The following CACNA1I variants were observed in gnomAD, a reference collection of about 807,000 sequenced individuals.
CACNA1I encodes the protein calcium voltage-gated channel subunit alpha1 I.
In CACNA1I, 74 loss-of-function variants were observed where a neutral mutation model predicts 201.6. The ratio of observed to expected loss-of-function variants is 0.37; its 90% CI spans 0.30 to 0.45. The LOEUF (loss-of-function observed/expected upper bound fraction) is 0.45. CACNA1I is among the 20% of genes least tolerant of loss of function. The probability of loss-of-function intolerance (pLI) is 1.00; values close to 1 mark genes in which losing one functional copy is unlikely to be tolerated. For synonymous variants in CACNA1I, 1,431 were observed against 1,345.2 expected (o/e 1.06, Z -1.40); for missense variants, 2,346 against 3,138.1 (o/e 0.75, Z 6.03).
intron 25 of CACNA1I, 53 bp downstream of exon 25, chr22:39,670,283 C>T: frequency 6.4e-7 from 1 of 1,560,582 alleles, no homozygotes; most frequent in Non-Finnish European, 8.7e-7. Context: ...GCCCTTCTGC[C>T]TGGGCCTGAC....
chr22:39,687,063 G>A lies in CACNA1I; in HGVS notation c.*658G>A, dbSNP rs1935908830. 1 of 152,180 alleles carries A rather than the reference G, an allele frequency of 6.6e-6. No individual in the cohort carries two copies. The highest frequency in any genetic ancestry group is 1.5e-5 in the Non-Finnish European group (1 of 68,042). The allele number at this position is 152,180 out of a possible 1,614,324, so 9.4% of individuals were successfully genotyped here. On this transcript the variant is annotated 3_prime_UTR_variant, in exon 37 of 37. Coordinates refer to ENST00000402142, the MANE Select transcript of CACNA1I (RefSeq NM_021096.4). ...TGTGAAGTCTTTCGTAGACACCCCA[G>A]AGCACACACATCCCCTTAGTCCACC...
At chr22:39,672,837 A>G (rs1310260180) in intron 27 of CACNA1I, 112 bp from the exon 28 acceptor site, 2 of 1,203,736 alleles carry the variant, frequency 1.7e-6, no homozygotes, top group Admixed American at 2.7e-5. Flanking sequence ...ACACAGCCTA[A>G]TGGGCCACAA....
Position 39,665,821 on chromosome 22 carries a change from G to A in CACNA1I, c.3979-60G>A. On this transcript the variant is annotated intron_variant, in intron 22 of 36. Coordinates refer to ENST00000402142, the MANE Select transcript of CACNA1I (RefSeq NM_021096.4). The surrounding 1 kb of genome is among the most constrained non-coding windows in gnomAD (Gnocchi z 5.5). ...CTGAGTAAACGCGATCGAGAGGCGA[G>A]TTCCTCTCTGACTTGCAACCCTCAC... 2.5e-6 allele frequency: 4 copies of A among 1,607,438 alleles called. No homozygotes were observed. Among genetic ancestry groups the A allele is most frequent in the Non-Finnish European group, 3.4e-6 (4 of 1,174,766 alleles).
At chr22:39,682,156 C>A (rs1413723093) in intron 34 of CACNA1I, among the ~76,000 whole-genome samples, 1 of 152,134 alleles carries the variant, frequency 6.6e-6, no homozygotes, top group East Asian at 1.9e-4. Flanking sequence ...ACAGGCTCAG[C>A]AAAGGGAAGG....
At chr22:39,661,899 G>A in intron 16 of CACNA1I, 66 bp from the exon 17 acceptor site, 1 of 1,116,636 alleles carries the variant, frequency 9.0e-7, no homozygotes, top group Non-Finnish European at 1.2e-6. Context: ...GGCTGCCTTT[G>A]GGCACCTGGT....
chr22:39,589,639 C>T (rs913769545), intron 1 of CACNA1I, among the ~76,000 whole-genome samples: 3 of 152,208 alleles, frequency 2.0e-5, no homozygotes, highest in Admixed American at 1.3e-4. Flanking sequence ...GCCACGTATA[C>T]AGCAGGTGGT....
rs552472527 is a variant in CACNA1I, at chr22:39,648,828, C to T, written c.1568-673C>T. Among the ~76,000 whole-genome samples, 2 of 152,110 alleles carry T rather than the reference C, an allele frequency of 1.3e-5. No homozygotes were observed. The highest frequency in any genetic ancestry group is 2.9e-5 in the Non-Finnish European group (2 of 68,018). ...ATCACAGAACTCAGTCCAGGGCCAGCCCAGGCGTCTCCTGTGATTCCGGGG... is the reference window on the plus strand; with the variant it reads ...ATCACAGAACTCAGTCCAGGGCCAGTCCAGGCGTCTCCTGTGATTCCGGGG... On this transcript the variant is annotated intron_variant, in intron 9 of 36. Coordinates refer to ENST00000402142, the MANE Select transcript of CACNA1I (RefSeq NM_021096.4). The surrounding 1 kb of genome is among the most constrained non-coding windows in gnomAD (Gnocchi z 5.4).
chr22:39,667,126 A>G (rs1175699990), intron 23 of CACNA1I, among the ~76,000 whole-genome samples: 1 of 152,162 alleles, frequency 6.6e-6, no homozygotes, highest in Non-Finnish European at 1.5e-5. Flanking sequence ...GTGCCCTCAG[A>G]CACGTGCCAG....
At chr22:39,622,604 G>C (rs916531806) in intron 4 of CACNA1I, among the ~76,000 whole-genome samples, 2 of 150,874 alleles carry the variant, frequency 1.3e-5, no homozygotes, top group East Asian at 4.0e-4. Context: ...GGTGTGGGGG[G>C]GGCGGTGGGG....
rs764665213 is a variant in CACNA1I, at chr22:39,646,688, C to T, written c.1269C>T (p.Ser423=). ...LEQRQRYLSS[S]TVASYAEPGD... ...AGCGGCAGCGCTACCTGTCCTCCAG[C>T]ACGGTGGCCAGCTACGCCGAGCCTG... The change falls in exon 8 of 37, where the codon AGC becomes AGT. Residue 423 remains serine (S), a synonymous_variant. Coordinates refer to ENST00000402142, the MANE Select transcript of CACNA1I (RefSeq NM_021096.4). 2 of 1,589,026 alleles carry T rather than the reference C, an allele frequency of 1.3e-6. No homozygotes were observed. Among genetic ancestry groups the T allele is most frequent in the South Asian group, 2.3e-5 (2 of 87,380 alleles).
At chr22:39,605,592 G>A (rs1372772499) in intron 3 of CACNA1I, among the ~76,000 whole-genome samples, 3 of 152,186 alleles carry the variant, frequency 2.0e-5, no homozygotes, top group Non-Finnish European at 2.9e-5. Context: ...GTGATTTCAC[G>A]TAACTTTCAG....
chr22:39,638,390 A>G (rs1434189325), intron 5 of CACNA1I, among the ~76,000 whole-genome samples: 1 of 152,214 alleles, frequency 6.6e-6, no homozygotes, highest in Non-Finnish European at 1.5e-5. Flanking sequence ...GGATGTGTAC[A>G]TTTTGATTAT....
chr22:39,654,851 G>A (rs1934764796), intron 10 of CACNA1I, among the ~76,000 whole-genome samples: 1 of 152,204 alleles, frequency 6.6e-6, no homozygotes, highest in Non-Finnish European at 1.5e-5. Context: ...AGGGCAGACA[G>A]TGCAGGAGGC....
intron 28 of CACNA1I, among the ~76,000 whole-genome samples, chr22:39,673,354 G>T (rs557427948): frequency 6.6e-6 from 1 of 152,194 alleles, no homozygotes; most frequent in African/African-American, 2.4e-5. Context: ...TCCTTATGAC[G>T]CCATGACCCA....
Position 39,686,293 on chromosome 22 carries a change from A to AC in CACNA1I, c.6567dup (p.Gly2190ArgfsTer88). 29 of 1,307,242 alleles carry AC rather than the reference A, an allele frequency of 2.2e-5. No individual in the cohort carries two copies. Among genetic ancestry groups the AC allele is most frequent in the South Asian group, 1.2e-4 (6 of 51,952 alleles). The allele number at this position is 1,307,242 out of a possible 1,614,324, so 81.0% of individuals were successfully genotyped here. A position where few individuals can be genotyped will look rare whatever the true frequency, so the allele number is the denominator to read the frequency against. ...TCGTGGGCCGCGGACCGCAGCAAGG[A>AC]CCCCCCCGGCCGGGCACCGCTGCCC... On this transcript the variant is annotated frameshift_variant, in exon 37 of 37. Transcript: ENST00000402142. LOFTEE classifies it high-confidence loss of function.
intron 15 of CACNA1I, among the ~76,000 whole-genome samples, chr22:39,660,772 C>A (rs907943509): frequency 1.3e-5 from 2 of 152,040 alleles, no homozygotes; most frequent in African/African-American, 4.8e-5. Flanking sequence ...GAACAAGCAT[C>A]CTCCAACCCT....
rs1455444021 is a variant in CACNA1I, at chr22:39,666,642, C to T, written c.4104+636C>T. On this transcript the variant is annotated intron_variant, in intron 23 of 36. Transcript: ENST00000402142. This position sits in a 1 kb window ranked among gnomAD's most constrained non-coding sequence, Gnocchi z 4.1. Reference sequence around the variant, plus strand: ...TTCCCTGCTCTCATTTCTCGAGGGCCTGCCCAGGAGGCCAGGTATGTCCAG... The same window carrying T: ...TTCCCTGCTCTCATTTCTCGAGGGCTTGCCCAGGAGGCCAGGTATGTCCAG... 1.3e-5 allele frequency among the ~76,000 whole-genome samples: 2 copies of T among 152,220 alleles called. No homozygotes were observed. The highest frequency in any genetic ancestry group is 1.9e-4 in the East Asian group (1 of 5,194).
intron 6 of CACNA1I, among the ~76,000 whole-genome samples, chr22:39,641,689 GCACACAGGTT>G (rs1189318786): frequency 6.6e-6 from 1 of 152,232 alleles, no homozygotes; most frequent in Non-Finnish European, 1.5e-5. Flanking sequence ...TGCACATAAT[GCACACAGGTT>G]CACAAAGCAG....
chr22:39,620,054 C>CCCAT (rs1933687653), intron 4 of CACNA1I, among the ~76,000 whole-genome samples: 1 of 19,924 alleles, frequency 5.0e-5, no homozygotes, highest in African/African-American at 2.2e-4. Context: ...CATCCATCCA[C>CCCAT]CCACCCACCC....
Sources: allele counts gnomAD v4.1 joint callset (sites outside exome capture counted in the v4.1 genomes callset), GRCh38; gene constraint gnomAD v4.1.1; non-coding constraint Gnocchi (gnomAD v3.1); transcripts MANE v1.5; gene names NCBI Gene and HGNC (gene_info 2026-07-23, HGNC 2026-07-21).